The following LSM14A variants were observed in gnomAD, a reference collection of about 807,000 sequenced individuals.
LSM14A encodes the protein protein LSM14 homolog A.
In LSM14A, 14 loss-of-function variants were observed where a neutral mutation model predicts 52.4. The ratio of observed to expected loss-of-function variants is 0.27; its 90% CI spans 0.18 to 0.42. The LOEUF is 0.42. Among genes scored for constraint, LSM14A ranks in the 10% least tolerant of loss-of-function variants. The pLI, the probability that LSM14A is intolerant of heterozygous loss-of-function variation, is 1.00. For synonymous variants in LSM14A, 185 were observed against 200.3 expected (o/e 0.92, Z 0.64); for missense variants, 417 against 581.8 (o/e 0.72, Z 2.91).
chr19:34,180,311 T>C (rs1209007053), intron 1 of LSM14A, among the ~76,000 whole-genome samples: 4 of 152,190 alleles, frequency 2.6e-5, no homozygotes, highest in Non-Finnish European at 5.9e-5. Flanking sequence ...GTTTTTTGTT[T>C]GTTTGTTTTT....
chr19:34,204,485 G>A (rs1447465452), intron 3 of LSM14A, among the ~76,000 whole-genome samples: 2 of 151,544 alleles, frequency 1.3e-5, no homozygotes, highest in Non-Finnish European at 1.5e-5. Context: ...GCCAAGGTGG[G>A]AGGATCACTT....
At chr19:34,226,028 C>T (rs1416114164) in intron 9 of LSM14A, among the ~76,000 whole-genome samples, 7 of 151,708 alleles carry the variant, frequency 4.6e-5, no homozygotes, top group Admixed American at 3.3e-4. Context: ...CACCACTGCA[C>T]TCCAGCCTGG....
intron 3 of LSM14A, among the ~76,000 whole-genome samples, chr19:34,203,913 A>G (rs550615222): frequency 6.6e-6 from 1 of 152,134 alleles, no homozygotes; most frequent in South Asian, 2.1e-4. Flanking sequence ...TTAAAAAAAA[A>G]AAAAAAAAGA....
At chr19:34,215,696 T>C (rs755628503) in intron 6 of LSM14A, 35 bp downstream of exon 6, 2 of 1,366,806 alleles carry the variant, frequency 1.5e-6, no homozygotes, top group East Asian at 2.3e-5. Context: ...TATTCTATGC[T>C]TCTCAACAGG....
intron 1 of LSM14A, among the ~76,000 whole-genome samples, chr19:34,189,585 A>G (rs2070196950): frequency 6.6e-6 from 1 of 152,216 alleles, no homozygotes. Context: ...AATGAATACT[A>G]GAATAACAAT....
Position 34,196,791 on chromosome 19 carries a change from T to G in LSM14A, c.415+28T>G, listed in dbSNP as rs1242355085. On this transcript the variant is annotated intron_variant, in intron 3 of 9. Coordinates refer to ENST00000544216, the MANE Select transcript of LSM14A (RefSeq NM_015578.4). ...ATGTTTTCTTTTTCTTTTCTTTTTT[T>G]GTTTTTGTATTCTTCCTTTCTTTAC... The G allele has an allele frequency of 3.8e-6, 6 of 1,577,622 alleles. No individual in the cohort carries two copies. The East Asian group carries it at 6.8e-5, about 18-fold the overall frequency.
intron 9 of LSM14A, among the ~76,000 whole-genome samples, chr19:34,225,441 TC>T (rs1338041550): frequency 4.3e-4 from 65 of 152,168 alleles, no homozygotes; most frequent in African/African-American, 1.5e-3. Context: ...ATCTAACACT[TC>T]CTCCCAGAGA....
intron 9 of LSM14A, among the ~76,000 whole-genome samples, chr19:34,224,420 C>T (rs1422061062): frequency 6.6e-6 from 1 of 152,198 alleles, no homozygotes; most frequent in African/African-American, 2.4e-5. Flanking sequence ...CCATGTCACA[C>T]TGTTTATCAT....
At chr19:34,210,116 G>A (rs150683223) in intron 4 of LSM14A, among the ~76,000 whole-genome samples, 1,745 of 152,156 alleles carry the variant, frequency 0.011, 38 homozygotes, top group African/African-American at 0.04. Context: ...GTAAAACAAT[G>A]TTGAGTCATT....
At chr19:34,185,964 C>T (rs915797530) in intron 1 of LSM14A, among the ~76,000 whole-genome samples, 4 of 152,216 alleles carry the variant, frequency 2.6e-5, no homozygotes, top group Non-Finnish European at 5.9e-5. Context: ...ATCATTCTTT[C>T]ATTTTATCCT....
rs1170277953 is a variant in LSM14A at position 34,206,794 on chromosome 19, A to G, written c.416-2135A>G. Among the ~76,000 whole-genome samples the G allele has an allele frequency of 3.9e-5, 6 of 152,180 alleles. No homozygotes were observed. In the South Asian group the frequency reaches 1.2e-3, roughly 31 times the overall value. On this transcript the variant is annotated intron_variant, in intron 3 of 9. Transcript: ENST00000544216. ...GATCGTTACAAGAAAATTATAGATC[A>G]TTGTCCCCCATGAACATAAACGTAG...
At chr19:34,187,193 G>A (rs2069977588) in intron 1 of LSM14A, among the ~76,000 whole-genome samples, 1 of 150,720 alleles carries the variant, frequency 6.6e-6, no homozygotes, top group South Asian at 2.1e-4. Flanking sequence ...AGGTTGCGGT[G>A]AGACGAGATC....
intron 6 of LSM14A, among the ~76,000 whole-genome samples, chr19:34,217,455 A>C (rs1479121753): frequency 6.6e-6 from 1 of 151,298 alleles, no homozygotes; most frequent in African/African-American, 2.4e-5. Flanking sequence ...TAATTTTACA[A>C]CTCTTCTAAA....
Position 34,227,661 on chromosome 19 carries a change from A to ACTT in LSM14A, c.*275_*277dup, listed in dbSNP as rs1413371829. On this transcript the variant is annotated 3_prime_UTR_variant, in exon 10 of 10. Transcript: ENST00000544216. ...TTATGTATAGTTAAACTAAAGCAGT[A>ACTT]CTTCAGTGGGACTTAACAAGTATTT... 2.7e-6 allele frequency: 1 copy of ACTT among 363,860 alleles called. No homozygotes were observed. Among genetic ancestry groups the ACTT allele is most frequent in the Non-Finnish European group, 4.9e-6 (1 of 205,074 alleles). The allele number at this position is 363,860 out of a possible 1,614,324, so 22.5% of individuals were successfully genotyped here.
At chr19:34,224,247 A>G (rs10422788) in intron 9 of LSM14A, among the ~76,000 whole-genome samples, 53,088 of 151,920 alleles carry the variant, frequency 0.35, 9,729 homozygotes, top group African/African-American at 0.4. Flanking sequence ...CAGGAGAATC[A>G]TTGAACCTGG....
chr19:34,172,874 G>GGAGGCGA, intron 1 of LSM14A, 111 bp downstream of exon 1: 1 of 1,292,796 alleles, frequency 7.7e-7, no homozygotes, highest in Non-Finnish European at 1.0e-6. Flanking sequence ...TCGAGCTCCG[G>GGAGGCGA]GAGGCCTCTC....
At chr19:34,214,547 G>A (rs1055878774) in intron 4 of LSM14A, among the ~76,000 whole-genome samples, 8 of 152,114 alleles carry the variant, frequency 5.3e-5, no homozygotes, top group Non-Finnish European at 8.8e-5. Context: ...GGGCTCAAGC[G>A]ATCCTCCTGC....
At chr19:34,192,319 G>GGTTTTTTTTTTTTTTTTTTT (rs2070450450) in intron 1 of LSM14A, among the ~76,000 whole-genome samples, 1 of 53,410 alleles carries the variant, frequency 1.9e-5, no homozygotes, top group African/African-American at 8.1e-5. Flanking sequence ...TCTTTTTGTT[G>GGTTTTTTTTTTTTTTTTTTT]TTTTTTTTTT....
chr19:34,176,934 C>A (rs942955714), intron 1 of LSM14A, among the ~76,000 whole-genome samples: 1 of 152,144 alleles, frequency 6.6e-6, no homozygotes, highest in Non-Finnish European at 1.5e-5. Flanking sequence ...TACCAACAAC[C>A]GTACGTGGTA....
Sources: allele counts gnomAD v4.1 joint callset (sites outside exome capture counted in the v4.1 genomes callset), GRCh38; gene constraint gnomAD v4.1.1; transcripts MANE v1.5; gene names NCBI Gene and HGNC (gene_info 2026-07-23, HGNC 2026-07-21).